CTNND1: variants seen among roughly 807,000 people sequenced by gnomAD.
CTNND1 encodes catenin delta 1.
CTNND1 carries 16 observed loss-of-function variants against 112.1 expected under a neutral mutation model. That is an observed-to-expected ratio of 0.14 (90% CI 0.10 to 0.22). The LOEUF (loss-of-function observed/expected upper bound fraction) is 0.22. CTNND1 is among the 10% of genes least tolerant of loss of function. The pLI is 1.00. For missense variants in CTNND1, 1,008 were observed against 1,257.0 expected, an observed-to-expected ratio of 0.80 and a Z score of 3.00; for synonymous variants, 420 against 446.5, an observed-to-expected ratio of 0.94 and a Z score of 0.75.
intron 18 of CTNND1, among the ~76,000 whole-genome samples, chr11:57,814,674 A>G (rs2063748862): frequency 6.6e-6 from 1 of 152,020 alleles, no homozygotes; most frequent in South Asian, 2.1e-4. Context: ...GAGTGAATGG[A>G]TACATCTGTT....
chr11:57,769,919 T>G (rs1177463953), intron 1 of CTNND1, among the ~76,000 whole-genome samples: 1 of 152,060 alleles, frequency 6.6e-6, no homozygotes, highest in East Asian at 1.9e-4. Flanking sequence ...AGTTGACAGT[T>G]GAGCAAAAAA....
At chr11:57,811,041 G>C (rs2063294408) in intron 16 of CTNND1, among the ~76,000 whole-genome samples, 1 of 152,114 alleles carries the variant, frequency 6.6e-6, no homozygotes, top group Non-Finnish European at 1.5e-5. Context: ...ACACAGCTCA[G>C]GTATCCCTCT....
intron 5 of CTNND1, 57 bp from the exon 6 acceptor site, chr11:57,796,399 AG>A: frequency 4.8e-6 from 7 of 1,452,790 alleles, no homozygotes; most frequent in South Asian, 1.4e-5. Flanking sequence ...AAAAAAAAAA[AG>A]AATTTAATTG....
At chr11:57,814,949 CA>C (rs2063786989) in intron 18 of CTNND1, among the ~76,000 whole-genome samples, 1 of 152,088 alleles carries the variant, frequency 6.6e-6, no homozygotes, top group South Asian at 2.1e-4. Context: ...GTATTTTATA[CA>C]TATTGTCTTC....
In CTNND1 at chr11:57,762,588, GT is replaced by G. The variant is rs577203919; in HGVS notation, c.-214+474del. On this transcript the variant is annotated intron_variant, in intron 1 of 20. Transcript: ENST00000399050. ...GGAGCTTTGCAGTGTAAATGGTATT[GT>G]TTTTCCCCCAGAGAGTTTGAACGGC... 1.6e-4 allele frequency among the ~76,000 whole-genome samples: 25 copies of G among 152,230 alleles called. No individual in the cohort carries two copies. In the East Asian group the frequency reaches 3.3e-3, roughly 20 times the overall value.
intron 2 of CTNND1, among the ~76,000 whole-genome samples, chr11:57,790,793 C>T (rs1256826545): frequency 1.3e-5 from 2 of 151,842 alleles, no homozygotes; most frequent in South Asian, 2.1e-4. Context: ...CTTCTGACCT[C>T]GTGATCCGCC....
intron 1 of CTNND1, among the ~76,000 whole-genome samples, chr11:57,779,391 CTT>C (rs2059338776): frequency 1.3e-5 from 2 of 152,206 alleles, no homozygotes; most frequent in Admixed American, 6.5e-5. Flanking sequence ...TCTTTTCTCT[CTT>C]GTTTTGTGTT....
At chr11:57,799,578 G>C (rs2061749657) in intron 6 of CTNND1, among the ~76,000 whole-genome samples, 1 of 152,198 alleles carries the variant, frequency 6.6e-6, no homozygotes. Flanking sequence ...GGTTCTAGTT[G>C]TGCCTTTGCC....
At chr11:57,795,552 C>T in intron 4 of CTNND1, 25 bp from the exon 5 acceptor site, 1 of 1,596,346 alleles carries the variant, frequency 6.3e-7, no homozygotes, top group Non-Finnish European at 8.5e-7. Context: ...ATAGTAGTTT[C>T]TTCTCTTTTC....
rs1565383645 is a variant in CTNND1 at position 57,814,365 on chromosome 11, A to G, written c.2693A>G (p.Lys898Arg). ...IQMSNMGSNT[K>R]SLDNNYSTPN... Reference sequence around the variant, plus strand: ...ATGAGCAATATGGGATCAAACACAAAATCACTAGGTAGGTGATTAATTCCT... The same window carrying G: ...ATGAGCAATATGGGATCAAACACAAGATCACTAGGTAGGTGATTAATTCCT... The change falls in exon 18 of 21, where the codon AAA (lysine) becomes AGA (arginine). Residue 898 changes from lysine to arginine, a missense_variant. By Grantham distance (26) the Lys-to-Arg change is conservative. Around this residue, in one of 5 missense-constraint regions of CTNND1, gnomAD observed 106 missense variants for 116.2 expected, o/e 0.91. Transcript: ENST00000399050. 2.5e-6 allele frequency: 4 copies of G among 1,609,856 alleles called. No homozygotes were observed. The highest frequency in any genetic ancestry group is 3.3e-4 in the Middle Eastern group (2 of 6,084).
rs775113600 is a variant in CTNND1, at chr11:57,791,561, G to A, written c.83G>A (p.Arg28Gln). The change falls in exon 3 of 21, where the codon CGG (arginine) becomes CAG (glutamine). Residue 28 changes from arginine to glutamine, a missense_variant. Physicochemically the swap from Arg to Gln is conservative, Grantham distance 43. This residue lies in a region of CTNND1 where 404 missense variants were observed against 457.9 expected (regional missense o/e 0.88). Transcript: ENST00000399050. The part of the protein sequence containing the change: ...EQEAQFEKLT[R>Q]ALEEERRHVS... The stretch of plus-strand genomic sequence containing the variant: ...GAGGCCCAGTTTGAGAAGCTGACCC[G>A]GGCGCTGGAGGAGGAACGGCGCCAC... The A allele has an allele frequency of 3.1e-6, 5 of 1,610,666 alleles. No individual in the cohort carries two copies. The highest frequency in any genetic ancestry group is 3.4e-6 in the Non-Finnish European group (4 of 1,178,642).
intron 15 of CTNND1, 109 bp downstream of exon 15, chr11:57,809,575 G>C (rs1394007669): frequency 2.2e-6 from 2 of 916,060 alleles, no homozygotes; most frequent in Non-Finnish European, 1.6e-6. Context: ...CGTGTAATGT[G>C]TGAAGAGCTA....
rs773383690 is a variant in CTNND1, at chr11:57,811,458, C to T, written c.2610C>T (p.Leu870=). 4.3e-6 allele frequency: 7 copies of T among 1,613,272 alleles called. No homozygotes were observed. The highest frequency in any genetic ancestry group is 4.2e-6 in the Non-Finnish European group (5 of 1,179,688). The change falls in exon 17 of 21, where the codon CTC becomes CTT. Residue 870 remains leucine, a synonymous_variant. Transcript: ENST00000399050. ...QSSHSYDDST[L]PLIDRNQKSD... is the part of the protein sequence containing the mutation. ...GTCATTCATATGATGATAGTACTCTCCCTCTCATTGACCGGAACCAAAAAT... is the reference window on the plus strand; with the variant it reads ...GTCATTCATATGATGATAGTACTCTTCCTCTCATTGACCGGAACCAAAAAT...
At chr11:57,770,567 C>T (rs947068189) in intron 1 of CTNND1, among the ~76,000 whole-genome samples, 1 of 151,662 alleles carries the variant, frequency 6.6e-6, no homozygotes, top group Admixed American at 6.6e-5. Context: ...GCAGAAGAAT[C>T]CCTTGAACCC....
chr11:57,786,240 T>C (rs2060118960), intron 1 of CTNND1, among the ~76,000 whole-genome samples: 1 of 149,578 alleles, frequency 6.7e-6, no homozygotes, highest in Non-Finnish European at 1.5e-5. Flanking sequence ...TTTAAAAATC[T>C]AAGTAAGTGG....
In CTNND1 at chr11:57,806,441, C is replaced by A; in HGVS notation, c.1877-20C>A. ...TTCATTTCTCTTCTCTGCTTTCTAC[C>A]TTGGGTGATGCACTGGAAGATGAGT... is the stretch of plus-strand genomic sequence containing the variant. On this transcript the variant is annotated intron_variant, in intron 10 of 20. Coordinates refer to ENST00000399050, the MANE Select transcript of CTNND1 (RefSeq NM_001085458.2). 2 of 1,597,340 alleles carry A rather than the reference C, an allele frequency of 1.3e-6. No individual in the cohort carries two copies. The highest frequency in any genetic ancestry group is 1.7e-6 in the Non-Finnish European group (2 of 1,170,184).
chr11:57,809,899 T>A (rs2063129504), intron 15 of CTNND1, among the ~76,000 whole-genome samples: 2 of 152,152 alleles, frequency 1.3e-5, no homozygotes, highest in South Asian at 4.1e-4. Context: ...TTAGTGGAGA[T>A]GGGGTTTCAC....
chr11:57,797,862 A>C (rs1206672538), intron 6 of CTNND1, among the ~76,000 whole-genome samples: 1 of 150,112 alleles, frequency 6.7e-6, no homozygotes, highest in East Asian at 2.0e-4. Context: ...AAAAAAAAAA[A>C]ACAACTTGTG....
Position 57,819,324 on chromosome 11 carries a change from C to CA in CTNND1, c.*3021dup, listed in dbSNP as rs1179887786. The stretch of plus-strand genomic sequence containing the variant: ...TAGATTAGAGGTTGAAGTACAAAGC[C>CA]AAAAAGCTATTAAGAGTTTACTTTC... On this transcript the variant is annotated 3_prime_UTR_variant, in exon 21 of 21. Transcript: ENST00000399050. The CA allele has an allele frequency of 6.6e-6, 1 of 152,104 alleles. No individual in the cohort carries two copies. Among genetic ancestry groups the CA allele is most frequent in the Non-Finnish European group, 1.5e-5 (1 of 68,000 alleles). 9.4% of individuals were successfully genotyped at this position (152,104 alleles called of 1,614,324 possible).
Sources: allele counts gnomAD v4.1 joint callset (sites outside exome capture counted in the v4.1 genomes callset), GRCh38; gene constraint gnomAD v4.1.1; regional missense constraint gnomAD v4.1.1; transcripts MANE v1.5; gene names NCBI Gene and HGNC (gene_info 2026-07-23, HGNC 2026-07-21).